CDK19: variants seen among roughly 807,000 people sequenced by gnomAD.
CDK19 encodes the protein cyclin-dependent kinase 19.
CDK19 carries 20 observed loss-of-function variants against 68.3 expected under a neutral mutation model. The ratio of observed to expected loss-of-function variants is 0.29; its 90% CI spans 0.21 to 0.43. The LOEUF (loss-of-function observed/expected upper bound fraction) is 0.43. Among genes scored for constraint, CDK19 ranks in the 20% least tolerant of loss-of-function variants. CDK19 has a pLI of 1.00. For missense variants in CDK19, 339 were observed against 623.5 expected, an observed-to-expected ratio of 0.54 and a Z score of 4.86; for synonymous variants, 221 against 222.8, an observed-to-expected ratio of 0.99 and a Z score of 0.07.
intron 4 of CDK19, among the ~76,000 whole-genome samples, chr6:110,639,283 C>T (rs1779976635): frequency 6.6e-6 from 1 of 152,138 alleles, no homozygotes. Context: ...GAGTAGGCTG[C>T]AAATGTATCT....
At chr6:110,699,969 G>T (rs1485135715) in intron 2 of CDK19, among the ~76,000 whole-genome samples, 1 of 152,206 alleles carries the variant, frequency 6.6e-6, no homozygotes, top group Non-Finnish European at 1.5e-5. Flanking sequence ...GAGGTGGGCA[G>T]CAGGTAAGTA....
intron 2 of CDK19, among the ~76,000 whole-genome samples, chr6:110,677,568 C>T (rs1338261049): frequency 4.1e-5 from 3 of 73,050 alleles, no homozygotes; most frequent in South Asian, 9.2e-4. Context: ...CCCATCTCAA[C>T]ATAAAAAAAA....
chr6:110,622,008 A>ATTTTCTGT, intron 11 of CDK19, 80 bp downstream of exon 11: 1 of 726,568 alleles, frequency 1.4e-6, no homozygotes, highest in Non-Finnish European at 2.3e-6. Context: ...TTAAATGTAT[A>ATTTTCTGT]GGAATTATGG....
In CDK19 at chr6:110,754,928, A is replaced by T. The variant is rs376387710; in HGVS notation, c.129-8727T>A. Among the ~76,000 whole-genome samples, 163 of 152,046 alleles carry T rather than the reference A, an allele frequency of 1.1e-3. 3 individuals carry two copies. The South Asian group carries it at 0.033, about 30-fold the overall frequency. On this transcript the variant is annotated intron_variant, in intron 1 of 12. Transcript: ENST00000368911. Reference sequence around the variant, plus strand: ...ACTAAGCACATAACATGTGTCAAGCACTGTGCTAGGTTCCAGGAACAGGAG... The same window carrying T: ...ACTAAGCACATAACATGTGTCAAGCTCTGTGCTAGGTTCCAGGAACAGGAG...
intron 1 of CDK19, among the ~76,000 whole-genome samples, chr6:110,795,210 A>G (rs1781859532): frequency 6.6e-6 from 1 of 152,164 alleles, no homozygotes; most frequent in Admixed American, 6.5e-5. Context: ...GACTCAAGCA[A>G]TCCACACACC....
rs1778062825 is a variant in CDK19 at position 110,746,189 on chromosome 6, C to T, written c.141G>A (p.Lys47=). The part of the protein sequence containing the change: ...KARRKDGKDE[K]EYALKQIEGT... Reference sequence around the variant, plus strand: ...CTTCAATTTGCTTCAATGCATATTCCTTTTCATCTTTTCTGCACATAAACA... The same window carrying T: ...CTTCAATTTGCTTCAATGCATATTCTTTTTCATCTTTTCTGCACATAAACA... The change falls in exon 2 of 13, where the codon AAG becomes AAA. Residue 47 remains lysine, a synonymous_variant. Transcript: ENST00000368911. 6.3e-7 allele frequency: 1 copy of T among 1,595,128 alleles called. No individual in the cohort carries two copies. Among genetic ancestry groups the T allele is most frequent in the Admixed American group, 1.7e-5 (1 of 57,312 alleles).
intron 4 of CDK19, among the ~76,000 whole-genome samples, chr6:110,642,817 G>A (rs1356239980): frequency 6.6e-6 from 1 of 151,844 alleles, no homozygotes; most frequent in African/African-American, 2.4e-5. Flanking sequence ...TCAGGAAGGG[G>A]AAAGGAGAGT....
At chr6:110,733,158 G>T (rs868823742) in intron 2 of CDK19, among the ~76,000 whole-genome samples, 1 of 152,006 alleles carries the variant, frequency 6.6e-6, no homozygotes, top group African/African-American at 2.4e-5. Flanking sequence ...ATCACAATAC[G>T]TATTTCTGTC....
intron 2 of CDK19, among the ~76,000 whole-genome samples, chr6:110,678,904 T>A (rs1771758467): frequency 1.3e-5 from 2 of 152,336 alleles, no homozygotes; most frequent in Admixed American, 1.3e-4. Context: ...TGGAAGAAGC[T>A]GGTTTTGCCT....
chr6:110,627,572 G>A (rs1779170039), intron 6 of CDK19, among the ~76,000 whole-genome samples: 1 of 152,056 alleles, frequency 6.6e-6, no homozygotes. Context: ...GTACAGTGGT[G>A]TAACCATGGC....
intron 2 of CDK19, among the ~76,000 whole-genome samples, chr6:110,690,237 T>A (rs1452920813): frequency 6.6e-6 from 1 of 152,132 alleles, no homozygotes; most frequent in Admixed American, 6.5e-5. Context: ...ATCTGCCAGG[T>A]TCAGGCTTGC....
chr6:110,727,857 A>T (rs1332033253), intron 2 of CDK19, among the ~76,000 whole-genome samples: 1 of 151,998 alleles, frequency 6.6e-6, no homozygotes, highest in Non-Finnish European at 1.5e-5. Flanking sequence ...CATAGTGGTA[A>T]ATCCCTATTG....
chr6:110,735,169 A>G (rs910721460), intron 2 of CDK19, among the ~76,000 whole-genome samples: 2 of 151,618 alleles, frequency 1.3e-5, no homozygotes, highest in Admixed American at 6.6e-5. Context: ...CTGGTCTCAA[A>G]CTCCTGAGCT....
chr6:110,743,640 T>G (rs2114864076), intron 2 of CDK19, among the ~76,000 whole-genome samples: 1 of 151,802 alleles, frequency 6.6e-6, no homozygotes, highest in East Asian at 1.9e-4. Flanking sequence ...AGATTCTGTC[T>G]CCTACAAAAA....
At chr6:110,626,626 A>G (rs1779105742) in intron 8 of CDK19, 150 bp downstream of exon 8, 3 of 517,282 alleles carry the variant, frequency 5.8e-6, no homozygotes, top group South Asian at 3.6e-5. Flanking sequence ...AGCAACCTTC[A>G]TGGGATTACA....
rs78785987 is a variant in CDK19 at position 110,637,183 on chromosome 6, A to C, written c.514+1466T>G. Among the ~76,000 whole-genome samples the C allele has an allele frequency of 5.4e-4, 83 of 152,366 alleles. No individual in the cohort carries two copies. In the East Asian group the frequency reaches 0.015, roughly 28 times the overall value. ...CAAAGTACATATTGCAATGTATAGT[A>C]AACTGTTCATTTTACTGTCTCTCAC... On this transcript the variant is annotated intron_variant, in intron 5 of 12. Coordinates refer to ENST00000368911, the MANE Select transcript of CDK19 (RefSeq NM_015076.5).
intron 4 of CDK19, among the ~76,000 whole-genome samples, chr6:110,650,020 G>A (rs1458667528): frequency 1.3e-5 from 2 of 152,068 alleles, no homozygotes; most frequent in African/African-American, 4.8e-5. Flanking sequence ...AATTGTGGTA[G>A]AGTCACACAA....
chr6:110,696,913 G>T (rs1266217813), intron 2 of CDK19, among the ~76,000 whole-genome samples: 1 of 152,112 alleles, frequency 6.6e-6, no homozygotes, highest in Admixed American at 6.6e-5. Context: ...ACAAAAATTA[G>T]CCAGGTGTGG....
intron 1 of CDK19, among the ~76,000 whole-genome samples, chr6:110,812,856 C>T (rs1307183213): frequency 1.4e-5 from 2 of 146,912 alleles, no homozygotes; most frequent in Non-Finnish European, 1.5e-5. Flanking sequence ...CCAAAGGACA[C>T]AGATGTTCTT....
Sources: allele counts gnomAD v4.1 joint callset (sites outside exome capture counted in the v4.1 genomes callset), GRCh38; gene constraint gnomAD v4.1.1; transcripts MANE v1.5; gene names NCBI Gene and HGNC (gene_info 2026-07-23, HGNC 2026-07-21).